RTEL1: variants seen among roughly 807,000 people sequenced by gnomAD.
The protein encoded by RTEL1 is regulator of telomere length.
A neutral mutation model predicts 162.2 loss-of-function variants in RTEL1; 86 were observed. The observed-to-expected ratio is 0.53, with a 90% CI of 0.45 to 0.63. The LOEUF is 0.63. Ranked by LOEUF, RTEL1 falls within the 30% of genes least tolerant of loss-of-function variation. The pLI, the probability that RTEL1 is intolerant of heterozygous loss-of-function variation, is 0.00. For synonymous variants in RTEL1, 958 were observed against 717.9 expected, an observed-to-expected ratio of 1.33 and a Z score of -5.35; for missense variants, 1,941 against 1,750.2, an observed-to-expected ratio of 1.11 and a Z score of -1.95.
In RTEL1 at chr20:63,668,406, T is replaced by C. The variant is rs1490300559; in HGVS notation, c.699+853T>C. On this transcript the variant is annotated intron_variant, in intron 8 of 34. Transcript: ENST00000360203. This position sits in a 1 kb window ranked among gnomAD's most constrained non-coding sequence, Gnocchi z 4.3. ...AAGACTGGCTTCACTCACATGGAGC[T>C]TTGATTCTAGTGGTGGGGACAGGTG... Among the ~76,000 whole-genome samples the C allele has an allele frequency of 6.6e-6, 1 of 152,148 alleles. No homozygotes were observed. Among genetic ancestry groups the C allele is most frequent in the Non-Finnish European group, 1.5e-5 (1 of 68,032 alleles).
rs1371820177 is a variant in RTEL1, at chr20:63,659,186, G to T, written c.-170-47G>T. 5 of 566,302 alleles carry T rather than the reference G, an allele frequency of 8.8e-6. No individual in the cohort carries two copies. In the South Asian group the frequency reaches 1.0e-4, roughly 11 times the overall value. 35.1% of individuals were successfully genotyped at this position (566,302 alleles called of 1,614,324 possible). On this transcript the variant is annotated intron_variant, in intron 1 of 34. Transcript: ENST00000360203. The stretch of plus-strand genomic sequence containing the variant: ...TGGAAACGCCTGGGAAAGTAGCCCG[G>T]TACCCACAAAGGCTGTCTACAAACA...
chr20:63,660,230 C>G (rs6089760), intron 2 of RTEL1, among the ~76,000 whole-genome samples: 1 of 152,230 alleles, frequency 6.6e-6, no homozygotes, highest in Non-Finnish European at 1.5e-5. Context: ...AGAGGCTTTC[C>G]TCTTTTACTA....
chr20:63,687,464 C>T (rs2090622293), intron 16 of RTEL1, 174 bp from the exon 17 acceptor site: 3 of 741,036 alleles, frequency 4.0e-6, no homozygotes, highest in Middle Eastern at 4.0e-4. Flanking sequence ...CTGGCAGGCT[C>T]ACACTCAGGG....
intron 19 of RTEL1, 30 bp downstream of exon 19, chr20:63,688,209 C>A: frequency 6.2e-7 from 1 of 1,610,640 alleles, no homozygotes; most frequent in Non-Finnish European, 8.5e-7. Flanking sequence ...CAGCTGTGCC[C>A]ATCCTGGATC....
chr20:63,694,317 A>G (rs761782422), intron 30 of RTEL1, 55 bp from the exon 31 acceptor site: 8 of 499,482 alleles, frequency 1.6e-5, no homozygotes, highest in African/African-American at 9.0e-5. Context: ...CCCCCACCCC[A>G]GGGAACTTTC....
chr20:63,678,282 C>T lies in RTEL1; in HGVS notation c.973C>T (p.Leu325=), dbSNP rs142739953. ...IAKLKMILLR[L]EGAIDAVELP... is the part of the protein sequence containing the mutation. ...TCGACCCACAGTGATCCTGCTGCGC[C>T]TGGAGGGGGCCATCGATGCTGTTGA... is the stretch of plus-strand genomic sequence containing the variant. Residue 325 remains leucine (L), a synonymous_variant, in exon 12 of 35, where the codon CTG becomes TTG. Transcript: ENST00000360203. 3.8e-4 allele frequency: 614 copies of T among 1,612,582 alleles called. 2 individuals carry two copies. Among genetic ancestry groups the T allele is most frequent in the Non-Finnish European group, 4.4e-4 (523 of 1,179,248 alleles).
At chr20:63,687,250 G>A (rs2090616460) in intron 16 of RTEL1, 1 of 201,794 alleles carries the variant, frequency 5.0e-6, no homozygotes, top group Non-Finnish European at 1.0e-5. Context: ...CCCGTCTTCT[G>A]CACGCGGCCG....
At chr20:63,666,942 C>T (rs1041475870) in intron 7 of RTEL1, among the ~76,000 whole-genome samples, 4 of 151,452 alleles carry the variant, frequency 2.6e-5, no homozygotes, top group Non-Finnish European at 2.9e-5. Context: ...CGAGTTCACG[C>T]CATTCTCCTG....
intron 31 of RTEL1, 23 bp from the exon 32 acceptor site, chr20:63,694,718 G>A: frequency 1.3e-6 from 2 of 1,572,422 alleles, no homozygotes; most frequent in South Asian, 2.2e-5. Flanking sequence ...GCGCCACTCT[G>A]AGCCATGCTA....
chr20:63,692,835 A>G lies in RTEL1; in HGVS notation c.2683A>G (p.Arg895Gly), dbSNP rs2090785759. The change falls in exon 29 of 35, where the codon AGG (arginine) becomes GGG (glycine). Residue 895 changes from arginine to glycine, a missense_variant. Arg to Gly is a moderately radical substitution (Grantham distance 125, BLOSUM62 -2). Transcript: ENST00000360203. ...EEPVAGAQTD[R>G]AKLFMVAVKQ... ...GCCCGTGGCTGGTGCACAGACGGAC[A>G]GGGCCAAGCTCTTCATGGTGGCCGT... The G allele has an allele frequency of 6.2e-7, 1 of 1,612,428 alleles. No individual in the cohort carries two copies. The highest frequency in any genetic ancestry group is 1.1e-5 in the South Asian group (1 of 91,084).
chr20:63,687,875 C>T (rs749000113), intron 17 of RTEL1, 62 bp from the exon 18 acceptor site: 7 of 1,589,908 alleles, frequency 4.4e-6, no homozygotes, highest in South Asian at 1.1e-5. Flanking sequence ...GGTCTCGGGC[C>T]TCGAGGGCTA....
chr20:63,683,008 G>A (rs1007739190), intron 14 of RTEL1, among the ~76,000 whole-genome samples: 5 of 152,124 alleles, frequency 3.3e-5, no homozygotes, highest in African/African-American at 9.7e-5. Flanking sequence ...TTGTCACCCC[G>A]GCTGGAGTGC....
chr20:63,693,627 ACCTCCACCACCACCACCT>A (rs2090870700), intron 30 of RTEL1, among the ~76,000 whole-genome samples: 4 of 59,750 alleles, frequency 6.7e-5, no homozygotes, highest in East Asian at 8.8e-4. Flanking sequence ...CTCCACCACC[ACCTCCACCACCACCACCT>A]CCACCTCCAC....
chr20:63,667,805 T>A (rs1601102702), intron 8 of RTEL1, among the ~76,000 whole-genome samples: 2 of 152,098 alleles, frequency 1.3e-5, no homozygotes, highest in Admixed American at 1.3e-4. Context: ...CTCCAGGCTG[T>A]GGTCCATAGG....
intron 32 of RTEL1, 42 bp from the exon 33 acceptor site, chr20:63,695,024 C>T: frequency 6.2e-7 from 1 of 1,609,498 alleles, no homozygotes; most frequent in Non-Finnish European, 8.5e-7. Flanking sequence ...GGGCAGGGGA[C>T]AAAATGGGGG....
intron 14 of RTEL1, chr20:63,681,390 C>A: frequency 1.0e-6 from 1 of 985,342 alleles, no homozygotes. Context: ...TCAGAAGTCC[C>A]TGACTGGGGA....
chr20:63,668,011 A>C lies in RTEL1; in HGVS notation c.699+458A>C, dbSNP rs1193854966. Among the ~76,000 whole-genome samples, 86 of 46,074 alleles carry C rather than the reference A, an allele frequency of 1.9e-3. No homozygotes were observed. The highest frequency in any genetic ancestry group is 2.5e-3 in the African/African-American group (27 of 10,816). The allele number at this position is 46,074 out of a possible 152,430, so 30.2% of individuals were successfully genotyped here. A position where few individuals can be genotyped will look rare whatever the true frequency, so the allele number is the denominator to read the frequency against. ...CCAGTGCATGCCCGGCCCCACACTCACTCCCCCCACAGCATGTGCCCGGCC... is the reference window on the plus strand; with the variant it reads ...CCAGTGCATGCCCGGCCCCACACTCCCTCCCCCCACAGCATGTGCCCGGCC... On this transcript the variant is annotated intron_variant, in intron 8 of 34. Transcript: ENST00000360203. The surrounding 1 kb of genome is among the most constrained non-coding windows in gnomAD (Gnocchi z 4.3).
chr20:63,692,029 TC>T lies in RTEL1; in HGVS notation c.2652+195del. 2 of 552,364 alleles carry T rather than the reference TC, an allele frequency of 3.6e-6. 1 individual carries two copies. Among genetic ancestry groups the T allele is most frequent in the South Asian group, 4.0e-5 (2 of 49,566 alleles). The allele number at this position is 552,364 out of a possible 1,614,324, so 34.2% of individuals were successfully genotyped here. On this transcript the variant is annotated intron_variant, in intron 28 of 34. Coordinates refer to ENST00000360203, the MANE Select transcript of RTEL1 (RefSeq NM_001283009.2). ...GTTTCTTCTGCAGGGGGCTCATGAG[TC>T]CCAGCTGGAATCAGGCCCCACCCTT...
In RTEL1 at chr20:63,695,963, C is replaced by A; in HGVS notation, c.*105C>A. The A allele has an allele frequency of 8.6e-7, 1 of 1,162,920 alleles. No individual in the cohort carries two copies. The highest frequency in any genetic ancestry group is 1.2e-6 in the Non-Finnish European group (1 of 829,576). 72.0% of individuals were successfully genotyped at this position (1,162,920 alleles called of 1,614,324 possible). A position where few individuals can be genotyped will look rare whatever the true frequency, so the allele number is the denominator to read the frequency against. ...AACAGAATAGGCCAGCCCATGCCAG[C>A]CGGCTTGGCCCGCTGCAGGCCTCAG... On this transcript the variant is annotated 3_prime_UTR_variant, in exon 35 of 35. Transcript: ENST00000360203.
Sources: allele counts gnomAD v4.1 joint callset (sites outside exome capture counted in the v4.1 genomes callset), GRCh38; gene constraint gnomAD v4.1.1; non-coding constraint Gnocchi (gnomAD v3.1); transcripts MANE v1.5; gene names NCBI Gene and HGNC (gene_info 2026-07-23, HGNC 2026-07-21).